CTNNA3: variants seen among roughly 807,000 people sequenced by gnomAD.
The protein encoded by CTNNA3 is catenin alpha 3, also known as catenin alpha-3.
A neutral mutation model predicts 95.7 loss-of-function variants in CTNNA3; 76 were observed. That is an observed-to-expected ratio of 0.79 (90% CI 0.66 to 0.96). CTNNA3 has a LOEUF of 0.96. Among genes scored for constraint, CTNNA3 ranks in the 40% least tolerant of loss-of-function variants. The pLI is 0.00. For synonymous variants in CTNNA3, 431 were observed against 374.4 expected (o/e 1.15, Z -1.74); for missense variants, 1,191 against 1,089.8 (o/e 1.09, Z -1.31).
chr10:66,743,939 G>T lies in CTNNA3; in HGVS notation c.1281+22325C>A, dbSNP rs912376927. 3.3e-5 allele frequency among the ~76,000 whole-genome samples: 4 copies of T among 122,120 alleles called. No individual in the cohort carries two copies. The Admixed American group carries it at 3.4e-4, about 10-fold the overall frequency. 80.1% of individuals were successfully genotyped at this position (122,120 alleles called of 152,430 possible). A position where few individuals can be genotyped will look rare whatever the true frequency, so the allele number is the denominator to read the frequency against. ...TGCAGTGAGCTGAGATAGTGCCACT[G>T]CACTCCAGCCTGGTGACACAGTGAG... is the stretch of plus-strand genomic sequence containing the variant. On this transcript the variant is annotated intron_variant, in intron 9 of 17. Transcript: ENST00000433211.
intron 3 of CTNNA3, among the ~76,000 whole-genome samples, chr10:67,579,261 T>A (rs1024732946): frequency 1.6e-5 from 2 of 128,342 alleles, no homozygotes; most frequent in African/African-American, 6.1e-5. Flanking sequence ...TGTCCAAGTG[T>A]TCTCGTTGTT....
At chr10:65,952,808 C>A (rs1786918) in intron 17 of CTNNA3, among the ~76,000 whole-genome samples, 1 of 151,958 alleles carries the variant, frequency 6.6e-6, no homozygotes, top group Non-Finnish European at 1.5e-5. Flanking sequence ...AGTTGCTTGG[C>A]GAATTTTCAG....
chr10:67,201,751 A>G (rs1339861565), intron 6 of CTNNA3, among the ~76,000 whole-genome samples: 1 of 152,210 alleles, frequency 6.6e-6, no homozygotes, highest in East Asian at 1.9e-4. Flanking sequence ...TTATCAGGTG[A>G]TGGGAACTAA....
At chr10:67,230,862 G>A (rs1308230541) in intron 5 of CTNNA3, among the ~76,000 whole-genome samples, 1 of 152,210 alleles carries the variant, frequency 6.6e-6, no homozygotes, top group Non-Finnish European at 1.5e-5. Context: ...CCTCACTCGG[G>A]AAGCGCAGGG....
intron 12 of CTNNA3, among the ~76,000 whole-genome samples, chr10:66,301,272 T>C (rs557557006): frequency 6.6e-6 from 1 of 152,132 alleles, no homozygotes; most frequent in Admixed American, 6.5e-5. Context: ...ACCAATTCTT[T>C]CCATCTCTTC....
chr10:66,282,375 A>G (rs552532792), intron 12 of CTNNA3, among the ~76,000 whole-genome samples: 3 of 151,688 alleles, frequency 2.0e-5, no homozygotes, highest in Non-Finnish European at 4.4e-5. Flanking sequence ...CTTTTATAAC[A>G]TCTCAAACAT....
At chr10:65,997,514 G>A (rs1564567357) in intron 15 of CTNNA3, among the ~76,000 whole-genome samples, 1 of 152,036 alleles carries the variant, frequency 6.6e-6, no homozygotes, top group Non-Finnish European at 1.5e-5. Context: ...GATCTTGTTT[G>A]CCCATTACTA....
At chr10:66,303,017 TA>T (rs1270549499) in intron 12 of CTNNA3, among the ~76,000 whole-genome samples, 1 of 152,168 alleles carries the variant, frequency 6.6e-6, no homozygotes, top group Non-Finnish European at 1.5e-5. Flanking sequence ...ATTTGTGACA[TA>T]ATTTCTTACT....
chr10:66,038,666 A>T (rs986288287), intron 15 of CTNNA3, among the ~76,000 whole-genome samples: 1 of 152,158 alleles, frequency 6.6e-6, no homozygotes, highest in Non-Finnish European at 1.5e-5. Flanking sequence ...AGCACACTTT[A>T]AAAAAATGCA....
chr10:67,300,229 C>T (rs568773658), intron 5 of CTNNA3, among the ~76,000 whole-genome samples: 85 of 152,252 alleles, frequency 5.6e-4, no homozygotes, highest in African/African-American at 1.9e-3. Flanking sequence ...GCTTACAGGT[C>T]AAAACTCCAT....
chr10:67,416,159 T>C (rs897129701), intron 5 of CTNNA3, among the ~76,000 whole-genome samples: 2 of 151,914 alleles, frequency 1.3e-5, no homozygotes, highest in African/African-American at 4.8e-5. Flanking sequence ...CTAATTAAAC[T>C]AAAGAGCTTC....
At chr10:67,100,789 C>T (rs919760498) in intron 7 of CTNNA3, among the ~76,000 whole-genome samples, 3 of 151,754 alleles carry the variant, frequency 2.0e-5, no homozygotes, top group Admixed American at 1.3e-4. Flanking sequence ...CCTATGAAGA[C>T]ACATTAATCT....
intron 10 of CTNNA3, among the ~76,000 whole-genome samples, chr10:66,619,745 A>T (rs549645671): frequency 7.2e-4 from 110 of 151,968 alleles, no homozygotes; most frequent in African/African-American, 2.5e-3. Flanking sequence ...AAAAATAAAA[A>T]AAAAGAAGCT....
At chr10:67,320,818 A>G (rs1277503843) in intron 5 of CTNNA3, among the ~76,000 whole-genome samples, 1 of 152,220 alleles carries the variant, frequency 6.6e-6, no homozygotes, top group Non-Finnish European at 1.5e-5. Context: ...GGGAGATTAC[A>G]AAAGCAGACC....
intron 7 of CTNNA3, among the ~76,000 whole-genome samples, chr10:67,124,375 G>GTGT (rs1564907325): frequency 2.4e-4 from 29 of 122,876 alleles, no homozygotes; most frequent in African/African-American, 8.3e-4. Context: ...TGTGTGTGTG[G>GTGT]TCTATAAATG....
At chr10:67,703,887 A>G (rs1005667489) in intron 1 of CTNNA3, among the ~76,000 whole-genome samples, 5 of 152,248 alleles carry the variant, frequency 3.3e-5, no homozygotes, top group African/African-American at 1.2e-4. Flanking sequence ...CCACTGTCTC[A>G]GCCCTAAATC....
chr10:66,644,399 A>G (rs886711331), intron 9 of CTNNA3, among the ~76,000 whole-genome samples: 1 of 147,874 alleles, frequency 6.8e-6, no homozygotes, highest in African/African-American at 2.5e-5. Flanking sequence ...TTTTACATAT[A>G]TATATTTTGA....
intron 16 of CTNNA3, among the ~76,000 whole-genome samples, chr10:65,983,624 C>T (rs2078367849): frequency 6.6e-6 from 1 of 151,400 alleles, no homozygotes; most frequent in Non-Finnish European, 1.5e-5. Context: ...TACAAGGATA[C>T]TGTCTAAAGG....
At chr10:67,004,166 A>T (rs1387134478) in intron 7 of CTNNA3, among the ~76,000 whole-genome samples, 1 of 152,160 alleles carries the variant, frequency 6.6e-6, no homozygotes, top group South Asian at 2.1e-4. Context: ...GAGTAGTGAC[A>T]AATACTTAAT....
Sources: gnomAD v4.1 joint callset for allele counts (sites outside exome capture counted in the v4.1 genomes callset) on GRCh38, gnomAD v4.1.1 for gene constraint, MANE v1.5 for transcripts, NCBI Gene and HGNC (gene_info 2026-07-23, HGNC 2026-07-21) for gene names.